CEP89: variants seen among roughly 807,000 people sequenced by gnomAD.
The protein encoded by CEP89 is centrosomal protein of 89 kDa.
In CEP89, 95 loss-of-function variants were observed where a neutral mutation model predicts 97.6. The ratio of observed to expected loss-of-function variants is 0.97; its 90% CI spans 0.82 to 1.15. The LOEUF (loss-of-function observed/expected upper bound fraction) is 1.15, where lower values mean the gene tolerates loss of function less well. Among genes scored for constraint, CEP89 ranks in the 50% most tolerant of loss-of-function variants. The probability of loss-of-function intolerance (pLI) is 0.00; values close to 1 mark genes in which losing one functional copy is unlikely to be tolerated. For synonymous variants in CEP89, 354 were observed against 349.1 expected (o/e 1.01, Z -0.16); for missense variants, 869 against 947.7 (o/e 0.92, Z 1.09).
chr19:32,922,797 G>A (rs1055360764), intron 12 of CEP89, among the ~76,000 whole-genome samples: 2 of 150,194 alleles, frequency 1.3e-5, no homozygotes, highest in Non-Finnish European at 3.0e-5. Context: ...GCAGTGAGCC[G>A]AGATCACACC....
chr19:32,898,257 G>A (rs1317360966), intron 16 of CEP89, among the ~76,000 whole-genome samples: 1 of 152,156 alleles, frequency 6.6e-6, no homozygotes, highest in Non-Finnish European at 1.5e-5. Context: ...AGGCCATTAC[G>A]TTAAGTAAAA....
In CEP89 at chr19:32,880,149, G is replaced by A. The variant is rs556114045; in HGVS notation, c.2136-771C>T. Among the ~76,000 whole-genome samples, 4 of 152,346 alleles carry A rather than the reference G, an allele frequency of 2.6e-5. No individual in the cohort carries two copies. The East Asian group carries it at 7.7e-4, about 29-fold the overall frequency. On this transcript the variant is annotated intron_variant, in intron 18 of 18. Transcript: ENST00000305768. Reference sequence around the variant, plus strand: ...CCACAGTCCACTGGGAATAGACCAGGACACGAGCCACACCTCACAAGGTGC... The same window carrying A: ...CCACAGTCCACTGGGAATAGACCAGAACACGAGCCACACCTCACAAGGTGC...
chr19:32,952,182 T>A (rs1396862137), intron 4 of CEP89, among the ~76,000 whole-genome samples: 1 of 152,056 alleles, frequency 6.6e-6, no homozygotes, highest in African/African-American at 2.4e-5. Context: ...CTGAAGACCA[T>A]TTAAAATGTA....
rs570952137 is a variant in CEP89, at chr19:32,957,508, T to TA, written c.305+2391dup. Among the ~76,000 whole-genome samples the TA allele has an allele frequency of 7.3e-4, 111 of 151,696 alleles. 4 individuals carry two copies. In the South Asian group the frequency reaches 0.022, roughly 30 times the overall value. On this transcript the variant is annotated intron_variant, in intron 3 of 18. Coordinates refer to ENST00000305768, the MANE Select transcript of CEP89 (RefSeq NM_032816.5). ...ATCAGGAAACCCTGTCTCTACAAAA[T>TA]AAAAATAAAAATTAGCCTGGGCTGG...
chr19:32,884,560 C>T (rs746973368), intron 17 of CEP89, among the ~76,000 whole-genome samples: 1 of 151,964 alleles, frequency 6.6e-6, no homozygotes. Flanking sequence ...TATAATTCTA[C>T]CATTTAAAAA....
At chr19:32,883,773 T>TTA (rs1969336415) in intron 17 of CEP89, among the ~76,000 whole-genome samples, 1 of 152,212 alleles carries the variant, frequency 6.6e-6, no homozygotes, top group Non-Finnish European at 1.5e-5. Flanking sequence ...TTTGTGTCTT[T>TTA]TATATATATG....
Position 32,881,985 on chromosome 19 carries a change from A to T in CEP89, c.1994T>A (p.Leu665Gln). 1 of 1,582,546 alleles carries T rather than the reference A, an allele frequency of 6.3e-7. No homozygotes were observed. The highest frequency in any genetic ancestry group is 2.3e-5 in the East Asian group (1 of 43,600). ...CAGCAGACGGTGACTGATGTCCCCC[A>T]GCTTCAGTGCTGCCTGCTTCTTGTA... ...KGYKKQAALKLGDISHRLLEQ... is the reference protein window; with the variant it reads ...KGYKKQAALKQGDISHRLLEQ... The change falls in exon 18 of 19, where the codon CTG becomes CAG. Residue 665 changes from leucine (L) to glutamine (Q), a missense_variant. By Grantham distance (113) the Leu-to-Gln change is moderately radical. Coordinates refer to ENST00000305768, the MANE Select transcript of CEP89 (RefSeq NM_032816.5).
chr19:32,904,998 T>C (rs1178455765), intron 14 of CEP89, among the ~76,000 whole-genome samples: 3 of 152,258 alleles, frequency 2.0e-5, no homozygotes, highest in African/African-American at 7.2e-5. Flanking sequence ...TAATGATTTG[T>C]AGATTTGTTT....
chr19:32,907,445 T>G (rs577590405), intron 14 of CEP89, among the ~76,000 whole-genome samples: 2 of 144,668 alleles, frequency 1.4e-5, no homozygotes, highest in South Asian at 4.5e-4. Context: ...AACATGTCTG[T>G]GGTTTCTCTA....
chr19:32,953,565 GT>G (rs1197172369), intron 4 of CEP89, 49 bp downstream of exon 4: 1 of 1,444,616 alleles, frequency 6.9e-7, no homozygotes, highest in Non-Finnish European at 9.4e-7. Flanking sequence ...TTTACCAAAA[GT>G]TAACATCAGG....
intron 18 of CEP89, among the ~76,000 whole-genome samples, chr19:32,880,210 G>T (rs1305838512): frequency 6.6e-6 from 1 of 152,200 alleles, no homozygotes; most frequent in Non-Finnish European, 1.5e-5. Flanking sequence ...GGCTGGAGAG[G>T]CCAGCTCCTT....
chr19:32,915,052 C>T (rs189216222), intron 14 of CEP89, among the ~76,000 whole-genome samples: 1 of 151,984 alleles, frequency 6.6e-6, no homozygotes, highest in African/African-American at 2.4e-5. Flanking sequence ...CACTTTCAGA[C>T]ACCTGTGCCA....
intron 9 of CEP89, chr19:32,931,189 C>G: frequency 2.3e-6 from 1 of 432,738 alleles, no homozygotes; most frequent in African/African-American, 2.0e-5. Flanking sequence ...CTCATCCGGC[C>G]TCTTTTACTT....
In CEP89 at chr19:32,915,407, C is replaced by CTTGGCAT. The variant is rs1363538428; in HGVS notation, c.1488_1494dup (p.Glu499MetfsTer18). ...TTGCCATCCGAGTGTGTTTTGAGTT[C>CTTGGCAT]TTGGCATTTGGCACGTAAAATCTCC... On this transcript the variant is annotated frameshift_variant, in exon 14 of 19. Coordinates refer to ENST00000305768, the MANE Select transcript of CEP89 (RefSeq NM_032816.5). LOFTEE classifies it high-confidence loss of function. The CTTGGCAT allele has an allele frequency of 3.1e-6, 5 of 1,613,266 alleles. No individual in the cohort carries two copies. Among genetic ancestry groups the CTTGGCAT allele is most frequent in the Non-Finnish European group, 4.2e-6 (5 of 1,179,826 alleles).
At chr19:32,904,348 C>G (rs1969845522) in intron 14 of CEP89, among the ~76,000 whole-genome samples, 1 of 152,154 alleles carries the variant, frequency 6.6e-6, no homozygotes, top group South Asian at 2.1e-4. Context: ...CTATCAACAG[C>G]CAGCATCTTT....
intron 5 of CEP89, among the ~76,000 whole-genome samples, chr19:32,946,444 G>A (rs1970799817): frequency 6.6e-6 from 1 of 152,182 alleles, no homozygotes; most frequent in African/African-American, 2.4e-5. Flanking sequence ...CATTTGGCAT[G>A]TGTTGTGAGA....
At chr19:32,968,284 T>C (rs920403967) in intron 1 of CEP89, among the ~76,000 whole-genome samples, 3 of 152,226 alleles carry the variant, frequency 2.0e-5, no homozygotes, top group African/African-American at 4.8e-5. Flanking sequence ...CAGTCTTGTC[T>C]GTCACCCAGG....
At chr19:32,910,587 C>G (rs1969980518) in intron 14 of CEP89, among the ~76,000 whole-genome samples, 1 of 152,036 alleles carries the variant, frequency 6.6e-6, no homozygotes, top group Non-Finnish European at 1.5e-5. Flanking sequence ...AACTTTTTGA[C>G]TTTTTTATAA....
chr19:32,945,111 C>T (rs558574250), intron 5 of CEP89, among the ~76,000 whole-genome samples: 66 of 152,014 alleles, frequency 4.3e-4, no homozygotes, highest in African/African-American at 1.5e-3. Context: ...ACAGAGAAAC[C>T]CTGTCTCTAC....
Sources: allele counts gnomAD v4.1 joint callset (sites outside exome capture counted in the v4.1 genomes callset), GRCh38; gene constraint gnomAD v4.1.1; transcripts MANE v1.5; gene names NCBI Gene and HGNC (gene_info 2026-07-23, HGNC 2026-07-21).